Variants in PLAGL2 observed in about 807,000 individuals in gnomAD.
PLAGL2 encodes the protein PLAG1 like zinc finger 2, also known as zinc finger protein PLAGL2.
In PLAGL2, 7 loss-of-function variants were observed where a neutral mutation model predicts 29.0. The observed-to-expected ratio is 0.24, with a 90% CI of 0.14 to 0.45. PLAGL2 has a LOEUF of 0.45. Among genes scored for constraint, PLAGL2 ranks in the 20% least tolerant of loss-of-function variants. The pLI is 0.99. For missense variants in PLAGL2, 454 were observed against 648.2 expected, an observed-to-expected ratio of 0.70 and a Z score of 3.25; for synonymous variants, 234 against 266.0, an observed-to-expected ratio of 0.88 and a Z score of 1.17.
chr20:32,198,903 T>C (rs1388926841), intron 2 of PLAGL2, among the ~76,000 whole-genome samples: 1 of 152,214 alleles, frequency 6.6e-6, no homozygotes, highest in African/African-American at 2.4e-5. Context: ...GCTTGTCATA[T>C]AAACCAGTAA....
chr20:32,207,034 G>A (rs1421536283), intron 1 of PLAGL2, among the ~76,000 whole-genome samples: 1 of 152,184 alleles, frequency 6.6e-6, no homozygotes, highest in Non-Finnish European at 1.5e-5. Flanking sequence ...TGAATTTCAA[G>A]AGGGTCTCAA....
intron 2 of PLAGL2, among the ~76,000 whole-genome samples, chr20:32,198,184 T>G (rs1367478071): frequency 6.6e-6 from 1 of 152,246 alleles, no homozygotes; most frequent in Non-Finnish European, 1.5e-5. Flanking sequence ...AGTGGCTGCC[T>G]ATGCGAAAAA....
At chr20:32,200,886 G>A (rs2047256093) in intron 2 of PLAGL2, among the ~76,000 whole-genome samples, 2 of 152,160 alleles carry the variant, frequency 1.3e-5, no homozygotes, top group Non-Finnish European at 2.9e-5. Flanking sequence ...GAGCCACCAC[G>A]CCTGGCCCAA....
Position 32,196,804 on chromosome 20 carries a change from G to A in PLAGL2, c.1139C>T (p.Ala380Val), listed in dbSNP as rs1240523305. 3.1e-6 allele frequency: 5 copies of A among 1,612,482 alleles called. No individual in the cohort carries two copies. The African/African-American group carries it at 6.7e-5, about 22-fold the overall frequency. Residue 380 changes from alanine (A) to valine (V), a missense_variant, in exon 3 of 3, where the codon GCC becomes GTC. By Grantham distance (64) the Ala-to-Val change is moderately conservative. Transcript: ENST00000246229. Reference protein sequence around the residue: ...LSLSSAEPQPASPQPAAAAAL... With the variant: ...LSLSSAEPQPVSPQPAAAAAL... ...CGCAGCTGCCGCCGGCTGAGGTGAG[G>A]CGGGCTGGGGTTCAGCGGATGAGAG...
rs999591737 is a variant in PLAGL2 at position 32,194,492 on chromosome 20, G to C, written c.*1960C>G. On this transcript the variant is annotated 3_prime_UTR_variant, in exon 3 of 3. Transcript: ENST00000246229. ...TTTTAATATCTGGTGTTTTTAAAAA[G>C]GTATCCCAAGCTACCCTGCCTAAAT... The C allele has an allele frequency of 6.6e-6, 1 of 152,550 alleles. No homozygotes were observed. The highest frequency in any genetic ancestry group is 1.5e-5 in the Non-Finnish European group (1 of 68,026). The allele number at this position is 152,550 out of a possible 1,614,324, so 9.4% of individuals were successfully genotyped here.
intron 1 of PLAGL2, among the ~76,000 whole-genome samples, chr20:32,203,405 G>A (rs1224125303): frequency 6.6e-6 from 1 of 152,152 alleles, no homozygotes; most frequent in Non-Finnish European, 1.5e-5. Flanking sequence ...TACTAATCCA[G>A]AGGAAGAGGA....
Position 32,195,023 on chromosome 20 carries a change from C to A in PLAGL2, c.*1429G>T, listed in dbSNP as rs758975499. ...CACGAGTCAGAAGAAAAGAACTAAT[C>A]ATTTGTTGCAAGAAACCTTGCCGGA... On this transcript the variant is annotated 3_prime_UTR_variant, in exon 3 of 3. Coordinates refer to ENST00000246229, the MANE Select transcript of PLAGL2 (RefSeq NM_002657.3). 7.2e-6 allele frequency: 1 copy of A among 139,632 alleles called. No homozygotes were observed. Among genetic ancestry groups the A allele is most frequent in the South Asian group, 2.3e-4 (1 of 4,374 alleles). The allele number at this position is 139,632 out of a possible 1,614,324, so 8.6% of individuals were successfully genotyped here. A position where few individuals can be genotyped will look rare whatever the true frequency, so the allele number is the denominator to read the frequency against.
Position 32,197,524 on chromosome 20 carries a change from A to G in PLAGL2, c.419T>C (p.Leu140Pro). ...SECGKNYNTK[L>P]GYRRHLAMHA... is the part of the protein sequence containing the mutation. ...CATGGCCAGGTGGCGCCGGTAGCCC[A>G]GCTTCGTATTGTAATTCTTACCGCA... Residue 140 changes from leucine (L) to proline (P), a missense_variant, in exon 3 of 3, where the codon CTG becomes CCG. By Grantham distance (98) the Leu-to-Pro change is moderately conservative. Coordinates refer to ENST00000246229, the MANE Select transcript of PLAGL2 (RefSeq NM_002657.3). The surrounding 1 kb of genome is among the most constrained non-coding windows in gnomAD (Gnocchi z 6.6). The G allele has an allele frequency of 1.2e-6, 2 of 1,614,208 alleles. No individual in the cohort carries two copies. Among genetic ancestry groups the G allele is most frequent in the Non-Finnish European group, 1.7e-6 (2 of 1,180,042 alleles).
rs776363024 is a variant in PLAGL2 at position 32,196,889 on chromosome 20, C to T, written c.1054G>A (p.Asp352Asn). ...TCCACCTCCACTTTGGGCAATTTGT[C>T]GGGCAAGTATGAGGTAGATCCAAGC... ...YQLGSTSYLP[D>N]KLPKVEVDSF... Residue 352 changes from aspartate to asparagine, a missense_variant, in exon 3 of 3, where the codon GAC (aspartate) becomes AAC (asparagine). Around this residue, in one of 4 missense-constraint regions of PLAGL2, gnomAD observed 247 missense variants for 350.3 expected, o/e 0.71. Transcript: ENST00000246229. 15 of 1,614,008 alleles carry T rather than the reference C, an allele frequency of 9.3e-6. No individual in the cohort carries two copies. Among genetic ancestry groups the T allele is most frequent in the Admixed American group, 5.0e-5 (3 of 59,994 alleles).
chr20:32,192,686 GT>G lies in PLAGL2; in HGVS notation c.*3765del, dbSNP rs2047206838. 1 of 152,612 alleles carries G rather than the reference GT, an allele frequency of 6.6e-6. No homozygotes were observed. The highest frequency in any genetic ancestry group is 1.5e-5 in the Non-Finnish European group (1 of 68,050). The allele number at this position is 152,612 out of a possible 1,614,324, so 9.5% of individuals were successfully genotyped here. A position where few individuals can be genotyped will look rare whatever the true frequency, so the allele number is the denominator to read the frequency against. Reference sequence around the variant, plus strand: ...TATAAAGCCAAAAATACTCCAAGAGGTTATTCACTGTGTTTACAAAGTGCTA... The same window carrying G: ...TATAAAGCCAAAAATACTCCAAGAGGTATTCACTGTGTTTACAAAGTGCTA... On this transcript the variant is annotated 3_prime_UTR_variant, in exon 3 of 3. Transcript: ENST00000246229.
At chr20:32,203,176 T>C (rs1441191854) in intron 1 of PLAGL2, among the ~76,000 whole-genome samples, 1 of 152,240 alleles carries the variant, frequency 6.6e-6, no homozygotes, top group African/African-American at 2.4e-5. Context: ...CATCTCTATA[T>C]ACCTAATATC....
chr20:32,196,996 T>C lies in PLAGL2; in HGVS notation c.947A>G (p.His316Arg). ...GCTCATACCCATGGGCAGCGTGTTG[T>C]GCACCAGGGAGTGTGGCACGCCCGT... ...PSTGVPHSLV[H>R]NTLPMGMSYP... The change falls in exon 3 of 3, where the codon CAC becomes CGC. Residue 316 changes from histidine (H) to arginine (R), a missense_variant. By Grantham distance (29) the His-to-Arg change is conservative (BLOSUM62 0). Transcript: ENST00000246229. 6.2e-7 allele frequency: 1 copy of C among 1,614,226 alleles called. No individual in the cohort carries two copies. The highest frequency in any genetic ancestry group is 8.5e-7 in the Non-Finnish European group (1 of 1,180,022).
At chr20:32,198,301 C>A (rs2047240901) in intron 2 of PLAGL2, among the ~76,000 whole-genome samples, 1 of 152,114 alleles carries the variant, frequency 6.6e-6, no homozygotes, top group African/African-American at 2.4e-5. Context: ...TTAAACATTA[C>A]ATTTAAATAA....
chr20:32,203,280 G>A (rs1353149810), intron 1 of PLAGL2, among the ~76,000 whole-genome samples: 1 of 152,206 alleles, frequency 6.6e-6, no homozygotes, highest in African/African-American at 2.4e-5. Context: ...GGTAGTTCTG[G>A]TTTAAACTGG....
intron 2 of PLAGL2, among the ~76,000 whole-genome samples, chr20:32,200,150 C>T (rs2047251183): frequency 6.6e-6 from 1 of 152,242 alleles, no homozygotes; most frequent in Non-Finnish European, 1.5e-5. Flanking sequence ...GCCCCTTGCA[C>T]CGAGCACTGT....
rs144874206 is a variant in PLAGL2, at chr20:32,202,078, G to T, written c.101C>A (p.Ala34Glu). Residue 34 changes from alanine (A) to glutamate (E), a missense_variant, in exon 2 of 3, where the codon GCG becomes GAG. Ala to Glu is a moderately radical substitution (Grantham distance 107, BLOSUM62 -1). This residue lies in a region of PLAGL2 where 89 missense variants were observed against 90.4 expected (regional missense o/e 0.98). Coordinates refer to ENST00000246229, the MANE Select transcript of PLAGL2 (RefSeq NM_002657.3). ...ACATTGGCACTTCACTTGACTCTCC[G>T]CCTCCCGGCCCCGAGGCCTGGGAAC... ...KLVPRPRGRE[A>E]ESQVKCQCEI... The T allele has an allele frequency of 6.2e-7, 1 of 1,614,184 alleles. No homozygotes were observed. The highest frequency in any genetic ancestry group is 1.7e-5 in the Admixed American group (1 of 60,030).
In PLAGL2 at chr20:32,192,752, G is replaced by A. The variant is rs1466489157; in HGVS notation, c.*3700C>T. ...TGTACTTTTCTCTTTAAATAATCTG[G>A]AGTTACAAAAGAGTGGCTCCAAAGC... On this transcript the variant is annotated 3_prime_UTR_variant, in exon 3 of 3. Transcript: ENST00000246229. 1.3e-5 allele frequency: 2 copies of A among 152,580 alleles called. No homozygotes were observed. The highest frequency in any genetic ancestry group is 2.4e-5 in the African/African-American group (1 of 41,424). 9.5% of individuals were successfully genotyped at this position (152,580 alleles called of 1,614,324 possible). A position where few individuals can be genotyped will look rare whatever the true frequency, so the allele number is the denominator to read the frequency against.
chr20:32,200,192 G>C (rs867804494), intron 2 of PLAGL2, among the ~76,000 whole-genome samples: 1 of 152,218 alleles, frequency 6.6e-6, no homozygotes, highest in African/African-American at 2.4e-5. Context: ...CAATAATGTT[G>C]GATAGATGAA....
chr20:32,199,694 G>A lies in PLAGL2; in HGVS notation c.261-2012C>T, dbSNP rs185994476. ...CTCTAGGAAACATGCAAAAATTAGC[G>A]GGTGTGGTGGTGGTACATGCCTGTG... is the stretch of plus-strand genomic sequence containing the variant. On this transcript the variant is annotated intron_variant, in intron 2 of 2. Coordinates refer to ENST00000246229, the MANE Select transcript of PLAGL2 (RefSeq NM_002657.3). Among the ~76,000 whole-genome samples the A allele has an allele frequency of 2.6e-4, 40 of 152,234 alleles. No homozygotes were observed. The South Asian group carries it at 3.1e-3, about 12-fold the overall frequency.
Sources: allele counts gnomAD v4.1 joint callset (sites outside exome capture counted in the v4.1 genomes callset), GRCh38; gene constraint gnomAD v4.1.1; regional missense constraint gnomAD v4.1.1; non-coding constraint Gnocchi (gnomAD v3.1); transcripts MANE v1.5; gene names NCBI Gene and HGNC (gene_info 2026-07-23, HGNC 2026-07-21).